Variants in MRNIP observed in about 807,000 individuals in gnomAD.
The protein encoded by MRNIP is MRN complex interacting protein.
Under a neutral mutation model 29.8 loss-of-function variants are expected in MRNIP, and 30 were observed. The observed-to-expected ratio is 1.01, with a 90% CI of 0.75 to 1.36. The LOEUF (loss-of-function observed/expected upper bound fraction) is 1.36. Among genes scored for constraint, MRNIP ranks in the 40% most tolerant of loss-of-function variants. The pLI, the probability that MRNIP is intolerant of heterozygous loss-of-function variation, is 0.00. For synonymous variants in MRNIP, 201 were observed against 164.1 expected (o/e 1.23, Z -1.72); for missense variants, 459 against 423.5 (o/e 1.08, Z -0.74).
At chr5:179,854,744 G>A (rs572046038) in intron 1 of MRNIP, among the ~76,000 whole-genome samples, 7 of 152,124 alleles carry the variant, frequency 4.6e-5, no homozygotes, top group African/African-American at 1.4e-4. Flanking sequence ...GACTCAAATT[G>A]AAGCTGTAAA....
chr5:179,857,394 G>C (rs971067210), intron 1 of MRNIP, among the ~76,000 whole-genome samples: 10 of 152,098 alleles, frequency 6.6e-5, no homozygotes, highest in African/African-American at 2.4e-4. Flanking sequence ...CCAGGAGGCG[G>C]AGGTTGCAGT....
At position 179,837,537 on chromosome 5, in the gene MRNIP, A is replaced by G. The variant is rs1476185520; in HGVS notation, c.886T>C (p.Ser296Pro). ...GAGGTCTTCCCGCAAGGCCTCTCAG[A>G]CCCAGATGTGACGGGGTGTGTGGCC... ...PRATHPVTSG[S>P]ERPCGKTSWD... is the part of the protein sequence containing the mutation. The change falls in exon 7 of 7, where the codon TCT (serine) becomes CCT (proline). Residue 296 changes from serine to proline, a missense_variant. Coordinates refer to ENST00000292586, the MANE Select transcript of MRNIP (RefSeq NM_016175.4). 6.2e-7 allele frequency: 1 copy of G among 1,614,086 alleles called. No individual in the cohort carries two copies. The highest frequency in any genetic ancestry group is 1.3e-5 in the African/African-American group (1 of 74,928).
At chr5:179,856,480 CTT>C (rs1211764859) in intron 1 of MRNIP, among the ~76,000 whole-genome samples, 1 of 151,528 alleles carries the variant, frequency 6.6e-6, no homozygotes, top group East Asian at 2.0e-4. Flanking sequence ...AGTAATTTTT[CTT>C]TGTTTTTGAG....
At chr5:179,838,060 C>A in intron 6 of MRNIP, 175 bp from the exon 7 acceptor site, 1 of 619,916 alleles carries the variant, frequency 1.6e-6, no homozygotes, top group Non-Finnish European at 2.8e-6. Context: ...CAAATAAATG[C>A]CTTCCACCTC....
At chr5:179,851,955 T>G (rs560435754) in intron 2 of MRNIP, among the ~76,000 whole-genome samples, 1 of 151,180 alleles carries the variant, frequency 6.6e-6, no homozygotes, top group African/African-American at 2.4e-5. Flanking sequence ...CCAGCCTGAG[T>G]GACAGAGCGA....
chr5:179,844,211 C>CAA lies in MRNIP; in HGVS notation c.231_232insTT (p.Val78LeufsTer18). 1.9e-6 allele frequency: 3 copies of CAA among 1,614,114 alleles called. No individual in the cohort carries two copies. Among genetic ancestry groups the CAA allele is most frequent in the Non-Finnish European group, 2.5e-6 (3 of 1,179,972 alleles). ...ACGTTTTCTTCTTCACTGGCACTGA[C>CAA]AGTTTCTTCTAGAGACCTTCAGGGA... On this transcript the variant is annotated frameshift_variant, in exon 4 of 7. Transcript: ENST00000292586. LOFTEE classifies it high-confidence loss of function.
At chr5:179,840,049 A>G (rs1758812653) in intron 6 of MRNIP, 1 of 152,146 alleles carries the variant, frequency 6.6e-6, no homozygotes, top group Admixed American at 6.6e-5. Context: ...GGTTCAAGCA[A>G]TTCTCCTGCC....
chr5:179,842,167 TC>T, intron 4 of MRNIP, 103 bp from the exon 5 acceptor site: 1 of 1,153,068 alleles, frequency 8.7e-7, no homozygotes, highest in Non-Finnish European at 1.2e-6. Context: ...AGGAGTCATG[TC>T]CAGCTCCACT....
intron 4 of MRNIP, among the ~76,000 whole-genome samples, chr5:179,843,087 C>T (rs879898278): frequency 7.3e-6 from 1 of 137,102 alleles, no homozygotes; most frequent in Non-Finnish European, 1.6e-5. Context: ...GGGAGGCAGG[C>T]AAGCAGGCAA....
At chr5:179,856,406 C>T (rs964320892) in intron 1 of MRNIP, among the ~76,000 whole-genome samples, 1 of 152,140 alleles carries the variant, frequency 6.6e-6, no homozygotes, top group African/African-American at 2.4e-5. Flanking sequence ...TAAAGTAGTA[C>T]ACAGCCGACT....
At chr5:179,852,310 C>A (rs1469520011) in intron 2 of MRNIP, among the ~76,000 whole-genome samples, 1 of 150,662 alleles carries the variant, frequency 6.6e-6, no homozygotes, top group African/African-American at 2.4e-5. Flanking sequence ...CCCCAAAAAA[C>A]AGCAATTTAA....
At position 179,847,994 on chromosome 5, in the gene MRNIP, A is replaced by G; in HGVS notation, c.199T>C (p.Ser67Pro). ...CAACTGTACCTGAGTGGCAGCTCTG[A>G]AACTTGTCCCTGTAGTAGATTTAAC... ...QKLNLLQGQV[S>P]ELPLRSLEET... Residue 67 changes from serine to proline, a missense_variant, in exon 3 of 7, where the codon TCA (serine) becomes CCA (proline). Transcript: ENST00000292586. The G allele has an allele frequency of 6.2e-7, 1 of 1,612,060 alleles. No homozygotes were observed. Among genetic ancestry groups the G allele is most frequent in the Non-Finnish European group, 8.5e-7 (1 of 1,178,582 alleles).
intron 1 of MRNIP, among the ~76,000 whole-genome samples, chr5:179,858,247 A>G (rs1424123882): frequency 2.6e-5 from 4 of 151,978 alleles, no homozygotes; most frequent in Non-Finnish European, 4.4e-5. Context: ...TGTCTTTAAG[A>G]CTCCGGGGCC....
chr5:179,853,131 C>G, intron 2 of MRNIP: 1 of 1,107,678 alleles, frequency 9.0e-7, no homozygotes, highest in Non-Finnish European at 1.3e-6. Flanking sequence ...CCACTGTTCC[C>G]CTTGTGCTTG....
chr5:179,850,710 T>A (rs1320336987), intron 2 of MRNIP, among the ~76,000 whole-genome samples: 1 of 152,186 alleles, frequency 6.6e-6, no homozygotes, highest in East Asian at 1.9e-4. Context: ...CCAGTAGCGG[T>A]GTGCTCTTCC....
rs1367377781 is a variant in MRNIP, at chr5:179,848,061, A to G, written c.132T>C (p.Tyr44=). 2 of 1,613,622 alleles carry G rather than the reference A, an allele frequency of 1.2e-6. No homozygotes were observed. Among genetic ancestry groups the G allele is most frequent in the East Asian group, 2.2e-5 (1 of 44,894 alleles). The change falls in exon 3 of 7, where the codon TAT becomes TAC. Residue 44 remains tyrosine (Y), a synonymous_variant. Coordinates refer to ENST00000292586, the MANE Select transcript of MRNIP (RefSeq NM_016175.4). ...TACAATCAGCACCAGAGCCTTCACCATAAGCCTGAGAAACCAAAAAATATA... is the reference window on the plus strand; with the variant it reads ...TACAATCAGCACCAGAGCCTTCACCGTAAGCCTGAGAAACCAAAAAATATA... ...CGEKQSFLQA[Y]GEGSGADCRR...
chr5:179,853,636 G>A (rs1360237117), intron 1 of MRNIP, among the ~76,000 whole-genome samples, 199 bp from the exon 2 acceptor site: 1 of 151,924 alleles, frequency 6.6e-6, no homozygotes, highest in Non-Finnish European at 1.5e-5. Context: ...GCCAGGCATG[G>A]TGGCGGGCAC....
chr5:179,857,767 C>G (rs577519500), intron 1 of MRNIP, among the ~76,000 whole-genome samples: 8 of 152,170 alleles, frequency 5.3e-5, no homozygotes, highest in Admixed American at 2.6e-4. Flanking sequence ...AATCCCAGCA[C>G]TTTGGGAGGC....
intron 1 of MRNIP, among the ~76,000 whole-genome samples, chr5:179,858,041 G>C (rs1176752488): frequency 1.3e-5 from 2 of 150,822 alleles, no homozygotes; most frequent in African/African-American, 4.9e-5. Flanking sequence ...GAAGAAGTCT[G>C]ATGCTATTCT....
Sources: allele counts gnomAD v4.1 joint callset (sites outside exome capture counted in the v4.1 genomes callset), GRCh38; gene constraint gnomAD v4.1.1; transcripts MANE v1.5; gene names NCBI Gene and HGNC (gene_info 2026-07-23, HGNC 2026-07-21).